FDXR: variants seen among roughly 807,000 people sequenced by gnomAD.
FDXR encodes NADPH:adrenodoxin oxidoreductase, mitochondrial.
Under a neutral mutation model 58.3 loss-of-function variants are expected in FDXR, and 38 were observed. That is an observed-to-expected ratio of 0.65 (90% CI 0.50 to 0.85). The LOEUF (loss-of-function observed/expected upper bound fraction) is 0.85. Among genes scored for constraint, FDXR ranks in the 40% least tolerant of loss-of-function variants. FDXR has a pLI of 0.00. For missense variants in FDXR, 624 were observed against 671.0 expected, an observed-to-expected ratio of 0.93 and a Z score of 0.77; for synonymous variants, 275 against 273.8, an observed-to-expected ratio of 1.00 and a Z score of -0.04.
In FDXR at chr17:74,864,571, G is replaced by A; in HGVS notation, c.718-7C>T. The A allele has an allele frequency of 1.9e-6, 3 of 1,613,038 alleles. No homozygotes were observed. The highest frequency in any genetic ancestry group is 2.5e-6 in the Non-Finnish European group (3 of 1,179,240). On this transcript the variant is annotated splice_region_variant and splice_polypyrimidine_tract_variant and intron_variant, in intron 7 of 11. Coordinates refer to ENST00000293195, the MANE Select transcript of FDXR (RefSeq NM_024417.5). ...GAATCATCTCCCGAAGCTCCTTGAA[G>A]GTGGGAGCAGGGAATGGGGGAGGAG...
At chr17:74,872,734 A>G (rs1298034489) in intron 1 of FDXR, 132 bp downstream of exon 1, 1 of 1,523,632 alleles carries the variant, frequency 6.6e-7, no homozygotes. Context: ...CACCACCGGG[A>G]TCTCGCCAGC....
At chr17:74,867,740 G>A (rs2038241222) in intron 2 of FDXR, among the ~76,000 whole-genome samples, 1 of 152,232 alleles carries the variant, frequency 6.6e-6, no homozygotes, top group East Asian at 1.9e-4. Flanking sequence ...GCACAGGGTC[G>A]GGGGTCCAGC....
In FDXR at chr17:74,870,643, T is replaced by A. The variant is rs117502526; in HGVS notation, c.177+1393A>T. 7.4e-4 allele frequency among the ~76,000 whole-genome samples: 111 copies of A among 150,932 alleles called. 2 individuals are homozygous for A. Among genetic ancestry groups the A allele is most frequent in the East Asian group, 4.3e-3 (22 of 5,138 alleles). ...CCCTTCAGGGCCTCTCCAGCCCCCA[T>A]GTGCTCCCTGATCTCCATCCCAGAG... On this transcript the variant is annotated intron_variant, in intron 2 of 11. Coordinates refer to ENST00000293195, the MANE Select transcript of FDXR (RefSeq NM_024417.5).
Position 74,866,820 on chromosome 17 carries a change from C to T in FDXR, c.234G>A (p.Val78=). The T allele has an allele frequency of 6.2e-7, 1 of 1,614,192 alleles. No homozygotes were observed. The highest frequency in any genetic ancestry group is 2.2e-5 in the East Asian group (1 of 44,872). The stretch of plus-strand genomic sequence containing the variant: ...GGTGATCAGGCGCCACACCAAAGCG[C>T]ACCAGGCCAAAGGGCACAGGCTGTT... ...YEKQPVPFGL[V]RFGVAPDHPE... is the part of the protein sequence containing the mutation. The change falls in exon 3 of 12, where the codon GTG becomes GTA. Residue 78 remains valine (V), a synonymous_variant. Coordinates refer to ENST00000293195, the MANE Select transcript of FDXR (RefSeq NM_024417.5).
Position 74,864,938 on chromosome 17 carries a change from C to T in FDXR, c.610-7G>A. 1 of 1,614,144 alleles carries T rather than the reference C, an allele frequency of 6.2e-7. No individual in the cohort carries two copies. The highest frequency in any genetic ancestry group is 8.5e-7 in the Non-Finnish European group (1 of 1,179,998). Reference sequence around the variant, plus strand: ...CCTTCGTGATGTCCGTTCTCTGGCACAAAAGGAGGGCCTTGGAGTCATCAG... The same window carrying T: ...CCTTCGTGATGTCCGTTCTCTGGCATAAAAGGAGGGCCTTGGAGTCATCAG... On this transcript the variant is annotated splice_polypyrimidine_tract_variant and splice_region_variant and intron_variant, in intron 6 of 11. Transcript: ENST00000293195.
Sources: allele counts gnomAD v4.1 joint callset (sites outside exome capture counted in the v4.1 genomes callset), GRCh38; gene constraint gnomAD v4.1.1; transcripts MANE v1.5; gene names NCBI Gene and HGNC (gene_info 2026-07-23, HGNC 2026-07-21).